The following TAF6 variants were observed in gnomAD, a reference collection of about 807,000 sequenced individuals.
TAF6 encodes the protein transcription initiation factor TFIID subunit 6.
In TAF6, 50 loss-of-function variants were observed where a neutral mutation model predicts 73.5. The observed-to-expected ratio is 0.68, with a 90% CI of 0.54 to 0.86. The LOEUF (loss-of-function observed/expected upper bound fraction) is 0.86. Ranked by LOEUF, TAF6 falls within the 40% of genes least tolerant of loss-of-function variation. The pLI is 0.00. For synonymous variants in TAF6, 424 were observed against 376.7 expected, an observed-to-expected ratio of 1.13 and a Z score of -1.45; for missense variants, 768 against 899.5, an observed-to-expected ratio of 0.85 and a Z score of 1.87.
intron 9 of TAF6, 104 bp from the exon 10 acceptor site, chr7:100,111,425 T>C (rs1797172319): frequency 7.5e-7 from 1 of 1,332,662 alleles, no homozygotes; most frequent in Admixed American, 2.3e-5. Flanking sequence ...CAATCATGGC[T>C]AACTGCAGCA....
At chr7:100,118,965 C>A (rs993115077) in intron 1 of TAF6, 7 of 985,238 alleles carry the variant, frequency 7.1e-6, no homozygotes, top group Non-Finnish European at 8.4e-6. Context: ...CCCGGCGGTA[C>A]CCTCTGCCAG....
chr7:100,119,873 G>C (rs764201928), upstream of TAF6: 10 of 1,607,196 alleles, frequency 6.2e-6, no homozygotes, highest in East Asian at 8.9e-5. Context: ...GTATTTGAAG[G>C]GGGTAGCCCC....
chr7:100,123,929 G>A (rs921535557), upstream of TAF6, among the ~76,000 whole-genome samples: 2 of 152,142 alleles, frequency 1.3e-5, no homozygotes, highest in Non-Finnish European at 2.9e-5. Context: ...AGGGGTTCAA[G>A]ACCAGCCGGG....
chr7:100,111,457 A>G, intron 9 of TAF6, 136 bp from the exon 10 acceptor site: 7 of 1,142,440 alleles, frequency 6.1e-6, no homozygotes, highest in Non-Finnish European at 8.6e-6. Context: ...GGCTCAAGCA[A>G]TTCTCCCATC....
At chr7:100,127,119 G>A in the TAF6 span, 2 of 494,768 alleles carry the variant, frequency 4.0e-6, no homozygotes, top group South Asian at 2.6e-5. The surrounding 1 kb of genome is among the most constrained non-coding windows in gnomAD (Gnocchi z 4.6). Flanking sequence ...CCTTTGGAGG[G>A]TGACGGGCAA....
intron 1 of TAF6, among the ~76,000 whole-genome samples, chr7:100,116,917 G>C (rs1021930063): frequency 1.3e-5 from 2 of 152,086 alleles, no homozygotes; most frequent in South Asian, 4.1e-4. Flanking sequence ...TCTGCCCTCA[G>C]AGTGGGGGCA....
At chr7:100,119,610 G>T (rs181297785), upstream of TAF6, 37 of 1,566,900 alleles carry the variant, frequency 2.4e-5, no homozygotes, top group Admixed American at 2.5e-4. Flanking sequence ...ACCCTTGTTG[G>T]GCTGATCCTG....
Position 100,107,392 on chromosome 7 carries a change from G to A in TAF6, c.1888C>T (p.Pro630Ser), listed in dbSNP as rs975863232. ...GPTSHPSPVP[P>S]PASSPSPLSG... ...AGTGGGGACGGGGACGATGCCGGGG[G>A]AGGAACTGGAGAAGGATGGGAGGTG... The change falls in exon 15 of 15, where the codon CCC (proline) becomes TCC (serine). Residue 630 changes from proline (P) to serine (S), a missense_variant. Transcript: ENST00000453269. 3 of 1,598,672 alleles carry A rather than the reference G, an allele frequency of 1.9e-6. No homozygotes were observed. Among genetic ancestry groups the A allele is most frequent in the Non-Finnish European group, 2.6e-6 (3 of 1,170,522 alleles).
the TAF6 span, among the ~76,000 whole-genome samples, chr7:100,126,518 G>A: frequency 2.0e-5 from 3 of 152,096 alleles, no homozygotes; most frequent in Non-Finnish European, 2.9e-5. Flanking sequence ...AAAAAGACCA[G>A]GCGCGGTGGC....
upstream of TAF6, chr7:100,119,684 AC>A: frequency 6.2e-7 from 1 of 1,613,244 alleles, no homozygotes; most frequent in South Asian, 1.1e-5. Flanking sequence ...AATTTAAGGG[AC>A]CCACACTACC....
the TAF6 span, chr7:100,124,870 TG>T: frequency 6.3e-7 from 1 of 1,599,406 alleles, no homozygotes; most frequent in East Asian, 2.2e-5. Flanking sequence ...ACCCCAAACT[TG>T]ACCGAGAAGA....
Position 100,107,189 on chromosome 7 carries a change from C to G in TAF6, c.*57G>C. 6.6e-7 allele frequency: 1 copy of G among 1,519,056 alleles called. No individual in the cohort carries two copies. Among genetic ancestry groups the G allele is most frequent in the Non-Finnish European group, 8.8e-7 (1 of 1,136,584 alleles). The allele number at this position is 1,519,056 out of a possible 1,614,324, so 94.1% of individuals were successfully genotyped here. A position where few individuals can be genotyped will look rare whatever the true frequency, so the allele number is the denominator to read the frequency against. ...CGCTTAGCGAGCATGCATGTGTGTA[C>G]GTGCACGTGTGTACATGTCTGCATG... On this transcript the variant is annotated 3_prime_UTR_variant, in exon 15 of 15. Coordinates refer to ENST00000453269, the MANE Select transcript of TAF6 (RefSeq NM_139315.3).
rs774433398 is a variant in TAF6 at position 100,112,239 on chromosome 7, CCTT to C, written c.586_588del (p.Lys196del). The C allele has an allele frequency of 5.6e-6, 9 of 1,613,432 alleles. No individual in the cohort carries two copies. Among genetic ancestry groups the C allele is most frequent in the East Asian group, 4.5e-5 (2 of 44,880 alleles). The stretch of plus-strand genomic sequence containing the variant: ...GGGGCCCCCTCCAGCAAGGGCGGCG[CCTT>C]CTTCTCTTTCCCTGTGTGATTGGAA... On this transcript the variant is annotated inframe_deletion, in exon 7 of 15. Coordinates refer to ENST00000453269, the MANE Select transcript of TAF6 (RefSeq NM_139315.3).
chr7:100,109,430 AGAG>A (rs2116741287), intron 12 of TAF6, among the ~76,000 whole-genome samples: 1 of 152,316 alleles, frequency 6.6e-6, no homozygotes, highest in East Asian at 1.9e-4. Flanking sequence ...TGCCTTGTAC[AGAG>A]AAGACCACAG....
At chr7:100,122,257 AGTGT>A (rs1315501203), upstream of TAF6, 1 of 1,594,144 alleles carries the variant, frequency 6.3e-7, no homozygotes, top group African/African-American at 1.3e-5. Context: ...CCTCCCCACC[AGTGT>A]GTAAGCTGCT....
chr7:100,125,188 CAA>C, the TAF6 span: 1 of 311,060 alleles, frequency 3.2e-6, no homozygotes, highest in South Asian at 7.2e-5. Flanking sequence ...CACCCCCACC[CAA>C]AAGTCAGCAG....
At chr7:100,124,924 A>G in the TAF6 span, 2 of 1,550,080 alleles carry the variant, frequency 1.3e-6, no homozygotes, top group Non-Finnish European at 8.7e-7. Context: ...GGAAGGGATC[A>G]TGGAGAGCCC....
upstream of TAF6, among the ~76,000 whole-genome samples, chr7:100,121,717 G>A (rs1798072599): frequency 6.6e-6 from 1 of 151,740 alleles, no homozygotes; most frequent in Admixed American, 6.5e-5. Context: ...TGGGATTACA[G>A]GTGTGAGCCA....
chr7:100,119,682 G>C (rs1263250062), upstream of TAF6: 2 of 1,612,644 alleles, frequency 1.2e-6, no homozygotes, highest in Admixed American at 3.4e-5. Context: ...GGAATTTAAG[G>C]GACCCACACT....
Sources: gnomAD v4.1 joint callset for allele counts (sites outside exome capture counted in the v4.1 genomes callset) on GRCh38, gnomAD v4.1.1 for gene constraint, Gnocchi (gnomAD v3.1) non-coding constraint, MANE v1.5 for transcripts, NCBI Gene and HGNC (gene_info 2026-07-23, HGNC 2026-07-21) for gene names.